Variants in FKTN observed in about 807,000 individuals in gnomAD.
FKTN encodes ribitol-5-phosphate transferase FKTN.
FKTN carries 47 observed loss-of-function variants against 58.6 expected under a neutral mutation model. The observed-to-expected ratio is 0.80, with a 90% CI of 0.63 to 1.02. The LOEUF is 1.02. Among genes scored for constraint, FKTN ranks in the 50% least tolerant of loss-of-function variants. The pLI, the probability that FKTN is intolerant of heterozygous loss-of-function variation, is 0.00. For synonymous variants in FKTN, 178 were observed against 191.9 expected, an observed-to-expected ratio of 0.93 and a Z score of 0.60; for missense variants, 516 against 537.3, an observed-to-expected ratio of 0.96 and a Z score of 0.39.
intron 10 of FKTN, among the ~76,000 whole-genome samples, chr9:105,625,530 T>C (rs957246906): frequency 6.6e-6 from 1 of 152,148 alleles, no homozygotes; most frequent in African/African-American, 2.4e-5. Context: ...TGCTAGTGTG[T>C]GTAGGCATGG....
At chr9:105,581,213 A>G (rs369326469) in intron 3 of FKTN, among the ~76,000 whole-genome samples, 9 of 149,716 alleles carry the variant, frequency 6.0e-5, no homozygotes, top group African/African-American at 1.2e-4. Flanking sequence ...CTGGTGAGGA[A>G]CTGCGTTCCT....
chr9:105,589,851 G>A (rs1844548330), intron 3 of FKTN, among the ~76,000 whole-genome samples: 1 of 152,156 alleles, frequency 6.6e-6, no homozygotes. Context: ...TCCTGCGGCA[G>A]GAATATGTCT....
Position 105,605,882 on chromosome 9 carries a change from TA to T in FKTN, c.647+1394del, listed in dbSNP as rs542084354. On this transcript the variant is annotated intron_variant, in intron 6 of 10. Coordinates refer to ENST00000357998, the MANE Select transcript of FKTN (RefSeq NM_001079802.2). ...AAATAATTGTACATTTTAAAATAACTAAAAGTATACTTGGATTGTTTAATAC... is the reference window on the plus strand; with the variant it reads ...AAATAATTGTACATTTTAAAATAACTAAAGTATACTTGGATTGTTTAATAC... Among the ~76,000 whole-genome samples, 814 of 152,266 alleles carry T rather than the reference TA, an allele frequency of 5.3e-3. 8 individuals are homozygous for T. The highest frequency in any genetic ancestry group is 0.019 in the African/African-American group (788 of 41,562).
rs1418911332 is a variant in FKTN, at chr9:105,635,807, A to G, written c.*543A>G. 1.0e-5 allele frequency: 10 copies of G among 1,001,312 alleles called. No homozygotes were observed. The highest frequency in any genetic ancestry group is 1.2e-5 in the Non-Finnish European group (10 of 838,462). The allele number at this position is 1,001,312 out of a possible 1,614,324, so 62.0% of individuals were successfully genotyped here. A position where few individuals can be genotyped will look rare whatever the true frequency, so the allele number is the denominator to read the frequency against. On this transcript the variant is annotated 3_prime_UTR_variant, in exon 11 of 11. Transcript: ENST00000357998. Reference sequence around the variant, plus strand: ...ATGATATCAGGTTCATTTTTCAACTAATCTTATGTGGAATTGAATTAGAGA... The same window carrying G: ...ATGATATCAGGTTCATTTTTCAACTGATCTTATGTGGAATTGAATTAGAGA...
intron 3 of FKTN, among the ~76,000 whole-genome samples, chr9:105,587,124 G>A (rs1009425279): frequency 6.6e-6 from 1 of 152,168 alleles, no homozygotes; most frequent in African/African-American, 2.4e-5. Flanking sequence ...AATGAACTAT[G>A]TTTGTATTAG....
At chr9:105,631,151 C>A (rs757919183) in intron 10 of FKTN, among the ~76,000 whole-genome samples, 1 of 151,976 alleles carries the variant, frequency 6.6e-6, no homozygotes, top group Admixed American at 6.6e-5. Context: ...ACAAAAAAAT[C>A]TGAAATTTCT....
At chr9:105,604,955 CA>C (rs1340355164) in intron 6 of FKTN, among the ~76,000 whole-genome samples, 281 of 109,874 alleles carry the variant, frequency 2.6e-3, no homozygotes, top group South Asian at 4.8e-3. Context: ...GACTTTGTCT[CA>C]AAAAAAAAAA....
intron 3 of FKTN, among the ~76,000 whole-genome samples, chr9:105,584,507 A>G (rs1843573203): frequency 6.6e-6 from 1 of 152,062 alleles, no homozygotes; most frequent in South Asian, 2.1e-4. Flanking sequence ...CTAAAATATC[A>G]CAGATTATTT....
At chr9:105,604,127 A>T in intron 5 of FKTN, 88 bp from the exon 6 acceptor site, 1 of 1,346,792 alleles carries the variant, frequency 7.4e-7, no homozygotes, top group South Asian at 1.2e-5. Context: ...CAATATAAGA[A>T]TCACTTTAGT....
intron 1 of FKTN, among the ~76,000 whole-genome samples, 196 bp downstream of exon 1, chr9:105,558,361 G>A (rs1832635028): frequency 6.6e-6 from 1 of 152,110 alleles, no homozygotes; most frequent in Non-Finnish European, 1.5e-5. Flanking sequence ...AGCATCGCGT[G>A]GTAGACTTCC....
intron 1 of FKTN, among the ~76,000 whole-genome samples, chr9:105,560,437 G>A (rs889444205): frequency 1.3e-4 from 20 of 152,256 alleles, no homozygotes; most frequent in Admixed American, 9.8e-4. Context: ...AAATATGGCC[G>A]TTATTAAGCC....
intron 1 of FKTN, among the ~76,000 whole-genome samples, chr9:105,569,303 GTAAA>G (rs1319283567): frequency 2.0e-5 from 3 of 151,858 alleles, no homozygotes; most frequent in Non-Finnish European, 4.4e-5. Context: ...AAAAAAATAA[GTAAA>G]TAAAAAAGAA....
At chr9:105,604,062 C>T (rs1828400997) in intron 5 of FKTN, among the ~76,000 whole-genome samples, 153 bp from the exon 6 acceptor site, 1 of 152,078 alleles carries the variant, frequency 6.6e-6, no homozygotes, top group African/African-American at 2.4e-5. Flanking sequence ...TGCCCATCAC[C>T]CTCATTAAAA....
chr9:105,582,897 C>T (rs982055255), intron 3 of FKTN, among the ~76,000 whole-genome samples: 1 of 152,102 alleles, frequency 6.6e-6, no homozygotes, highest in African/African-American at 2.4e-5. Flanking sequence ...CTAATAGTAG[C>T]TTAAACAAAT....
intron 10 of FKTN, among the ~76,000 whole-genome samples, chr9:105,620,808 G>GTA (rs1319178108): frequency 1.3e-5 from 2 of 151,162 alleles, no homozygotes; most frequent in Non-Finnish European, 1.5e-5. Flanking sequence ...AGTAGTAGTA[G>GTA]TAGTAGTAGT....
At position 105,637,625 on chromosome 9, in the gene FKTN, C is replaced by G. The variant is rs1051604708; in HGVS notation, c.*2361C>G. The G allele has an allele frequency of 1.0e-6, 1 of 985,270 alleles. No homozygotes were observed. The highest frequency in any genetic ancestry group is 1.7e-5 in the African/African-American group (1 of 57,230). 61.0% of individuals were successfully genotyped at this position (985,270 alleles called of 1,614,324 possible). A position where few individuals can be genotyped will look rare whatever the true frequency, so the allele number is the denominator to read the frequency against. On this transcript the variant is annotated 3_prime_UTR_variant, in exon 11 of 11. Coordinates refer to ENST00000357998, the MANE Select transcript of FKTN (RefSeq NM_001079802.2). ...TCATTGGATCACTTTTCTTTCATCA[C>G]TTGAGTATTCTAGCAGTCATTCTCC...
At chr9:105,628,635 CT>C (rs1193605731) in intron 10 of FKTN, among the ~76,000 whole-genome samples, 1 of 152,150 alleles carries the variant, frequency 6.6e-6, no homozygotes, top group Non-Finnish European at 1.5e-5. Flanking sequence ...AGCAGTCTTA[CT>C]CATACTAGCA....
At chr9:105,629,056 C>G (rs74710709) in intron 10 of FKTN, among the ~76,000 whole-genome samples, 4,053 of 152,190 alleles carry the variant, frequency 0.027, 194 homozygotes, top group African/African-American at 0.093. Flanking sequence ...TTATACTTAA[C>G]TTATACCTCA....
chr9:105,607,923 G>T lies in FKTN; in HGVS notation c.752G>T (p.Arg251Met), dbSNP rs1477638259. Residue 251 changes from arginine to methionine, a missense_variant, in exon 7 of 11, where the codon AGG becomes ATG. Arg to Met is a moderately conservative substitution (Grantham distance 91, BLOSUM62 -1). Coordinates refer to ENST00000357998, the MANE Select transcript of FKTN (RefSeq NM_001079802.2). Reference sequence around the variant, plus strand: ...CCACACTCTAGGTTTATTGAGTGTAGGTATAAAGAAGCTCGAGCATTCTTT... The same window carrying T: ...CCACACTCTAGGTTTATTGAGTGTATGTATAAAGAAGCTCGAGCATTCTTT... The part of the protein sequence containing the change: ...EVPHSRFIEC[R>M]YKEARAFFQQ... 1 of 1,612,290 alleles carries T rather than the reference G, an allele frequency of 6.2e-7. No individual in the cohort carries two copies. The highest frequency in any genetic ancestry group is 1.1e-5 in the South Asian group (1 of 91,042).
Sources: allele counts gnomAD v4.1 joint callset (sites outside exome capture counted in the v4.1 genomes callset), GRCh38; gene constraint gnomAD v4.1.1; transcripts MANE v1.5; gene names NCBI Gene and HGNC (gene_info 2026-07-23, HGNC 2026-07-21).